Variants in TENM4 observed in about 807,000 individuals in gnomAD.
TENM4 encodes teneurin transmembrane protein 4.
In TENM4, 82 loss-of-function variants were observed where a neutral mutation model predicts 243.3. That is an observed-to-expected ratio of 0.34 (90% CI 0.28 to 0.40). TENM4 has a LOEUF of 0.40. Among genes scored for constraint, TENM4 ranks in the 10% least tolerant of loss-of-function variants. TENM4 has a pLI of 1.00. For synonymous variants in TENM4, 1,412 were observed against 1,456.3 expected (o/e 0.97, Z 0.69); for missense variants, 3,138 against 3,673.3 (o/e 0.85, Z 3.77).
At chr11:79,031,788 A>T (rs1184327052) in intron 6 of TENM4, among the ~76,000 whole-genome samples, 1 of 152,184 alleles carries the variant, frequency 6.6e-6, no homozygotes, top group African/African-American at 2.4e-5. Context: ...TTCTACTTTC[A>T]TGCTAGGGCA....
chr11:79,350,367 C>T (rs186497239), intron 1 of TENM4, among the ~76,000 whole-genome samples: 22 of 152,094 alleles, frequency 1.4e-4, no homozygotes, highest in East Asian at 3.9e-4. Context: ...CACCTTAGTC[C>T]GTGCTGTCAT....
chr11:79,311,744 C>T (rs898178885), intron 1 of TENM4, among the ~76,000 whole-genome samples: 47 of 152,144 alleles, frequency 3.1e-4, no homozygotes, highest in Non-Finnish European at 8.8e-5. Context: ...TAGACAGGTT[C>T]TGCCCATCCC....
rs114990971 is a variant in TENM4, at chr11:79,313,105, C to T, written c.-320-15562G>A. 3.4e-3 allele frequency among the ~76,000 whole-genome samples: 516 copies of T among 152,328 alleles called. 4 individuals are homozygous for T. The highest frequency in any genetic ancestry group is 0.012 in the African/African-American group (492 of 41,558). ...GCAAGGAAGTAGATCTTGCATCATA[C>T]TTCTCCGACTTCAGTTGTTTTTATT... On this transcript the variant is annotated intron_variant, in intron 1 of 33. Coordinates refer to ENST00000278550, the MANE Select transcript of TENM4 (RefSeq NM_001098816.3).
At chr11:79,174,860 G>A (rs1387471955) in intron 3 of TENM4, among the ~76,000 whole-genome samples, 3 of 152,126 alleles carry the variant, frequency 2.0e-5, no homozygotes, top group African/African-American at 7.2e-5. Flanking sequence ...TTAGCCTCAG[G>A]GTACTTTGCC....
At chr11:78,749,217 C>T (rs376126045) in intron 19 of TENM4, 4 of 152,174 alleles carry the variant, frequency 2.6e-5, no homozygotes, top group Admixed American at 1.3e-4. Flanking sequence ...GTTGCTTTAT[C>T]ATCATAAACA....
chr11:78,801,357 T>C (rs1047580872), intron 15 of TENM4, among the ~76,000 whole-genome samples: 2 of 152,228 alleles, frequency 1.3e-5, no homozygotes, highest in African/African-American at 4.8e-5. Context: ...CTATGTCCTG[T>C]GCTCTTCTGG....
At chr11:79,067,740 A>G (rs993661915) in intron 5 of TENM4, among the ~76,000 whole-genome samples, 3 of 151,494 alleles carry the variant, frequency 2.0e-5, no homozygotes, top group Admixed American at 6.6e-5. Flanking sequence ...ACTTCATCCA[A>G]TTTAAGAAGT....
At chr11:79,366,840 T>C (rs956927396) in intron 1 of TENM4, among the ~76,000 whole-genome samples, 13 of 152,190 alleles carry the variant, frequency 8.5e-5, no homozygotes, top group Non-Finnish European at 1.5e-5. Context: ...GATCAATGAA[T>C]GAATGAGTGA....
chr11:78,672,959 C>T (rs1367796972), intron 30 of TENM4, among the ~76,000 whole-genome samples: 1 of 152,014 alleles, frequency 6.6e-6, no homozygotes, highest in Non-Finnish European at 1.5e-5. Context: ...TCTTGATTGC[C>T]ACAGTCAGTA....
intron 32 of TENM4, 113 bp from the exon 33 acceptor site, chr11:78,661,704 C>T: frequency 1.4e-6 from 2 of 1,379,604 alleles, no homozygotes; most frequent in Non-Finnish European, 9.9e-7. Flanking sequence ...GTGTGGATTG[C>T]TGCTGGTGGG....
chr11:79,430,195 A>T (rs1352241825), intron 1 of TENM4, among the ~76,000 whole-genome samples: 9 of 134,016 alleles, frequency 6.7e-5, no homozygotes, highest in Non-Finnish European at 1.3e-4. Flanking sequence ...TGCGAAAAAA[A>T]AAAAAAGAAA....
At chr11:78,978,532 A>G (rs1857719234) in intron 6 of TENM4, among the ~76,000 whole-genome samples, 1 of 152,172 alleles carries the variant, frequency 6.6e-6, no homozygotes, top group African/African-American at 2.4e-5. Flanking sequence ...AGAAGCAGGA[A>G]TGAACCAAAG....
intron 4 of TENM4, among the ~76,000 whole-genome samples, chr11:79,135,355 T>C (rs1436355354): frequency 1.3e-5 from 2 of 151,772 alleles, no homozygotes; most frequent in Non-Finnish European, 2.9e-5. Context: ...ACCCAGTAGA[T>C]ATTGGTGTGG....
At chr11:78,853,003 G>T (rs477819) in intron 12 of TENM4, among the ~76,000 whole-genome samples, 72,941 of 151,738 alleles carry the variant, frequency 0.48, 18,734 homozygotes, top group African/African-American at 0.61. Flanking sequence ...ATCCTCCTGC[G>T]TCTGCCTCCC....
At chr11:79,428,111 T>A (rs931926075) in intron 1 of TENM4, among the ~76,000 whole-genome samples, 2 of 152,194 alleles carry the variant, frequency 1.3e-5, no homozygotes, top group African/African-American at 2.4e-5. Context: ...ACTGGCGGCA[T>A]CAACATCTCC....
intron 6 of TENM4, among the ~76,000 whole-genome samples, chr11:78,984,713 A>G (rs1420790050): frequency 6.6e-6 from 1 of 152,212 alleles, no homozygotes; most frequent in African/African-American, 2.4e-5. Flanking sequence ...CGGTAACCAC[A>G]GCCAATATGG....
At chr11:79,309,293 AT>A (rs1233199256) in intron 1 of TENM4, among the ~76,000 whole-genome samples, 1 of 152,210 alleles carries the variant, frequency 6.6e-6, no homozygotes, top group Non-Finnish European at 1.5e-5. Flanking sequence ...AGGTAGGCGA[AT>A]TTCATTGCCT....
In TENM4 at chr11:78,854,305, C is replaced by T; in HGVS notation, c.1480G>A (p.Val494Met). 1 of 1,507,676 alleles carries T rather than the reference C, an allele frequency of 6.6e-7. No homozygotes were observed. The highest frequency in any genetic ancestry group is 8.9e-7 in the Non-Finnish European group (1 of 1,124,998). 93.4% of individuals were successfully genotyped at this position (1,507,676 alleles called of 1,614,324 possible). ...AGCCTCCTGCCATCCAGCAGCTCCA[C>T]AAAGTCAAACTGAAAGACAGAGAAA... ...LPPSHTQFDF[V>M]ELLDGRRLLT... Residue 494 changes from valine (V) to methionine (M), a missense_variant, in exon 12 of 34, where the codon GTG becomes ATG. Val to Met is a conservative substitution (Grantham distance 21, BLOSUM62 1). This residue lies in a region of TENM4 where 2,467 missense variants were observed against 3,059.1 expected (regional missense o/e 0.81). Coordinates refer to ENST00000278550, the MANE Select transcript of TENM4 (RefSeq NM_001098816.3).
intron 4 of TENM4, among the ~76,000 whole-genome samples, chr11:79,090,069 T>G (rs1860909843): frequency 6.6e-6 from 1 of 152,190 alleles, no homozygotes; most frequent in African/African-American, 2.4e-5. Context: ...TATATGTTTT[T>G]CTTGTTGAGG....
Sources: gnomAD v4.1 joint callset for allele counts (sites outside exome capture counted in the v4.1 genomes callset) on GRCh38, gnomAD v4.1.1 for gene constraint, gnomAD v4.1.1 regional missense constraint, MANE v1.5 for transcripts, NCBI Gene and HGNC (gene_info 2026-07-23, HGNC 2026-07-21) for gene names.